Variants in SYN3 observed in about 807,000 individuals in gnomAD.
SYN3 encodes the protein synapsin-3.
In SYN3, 35 loss-of-function variants were observed where a neutral mutation model predicts 65.8. The ratio of observed to expected loss-of-function variants is 0.53; its 90% confidence interval spans 0.41 to 0.70. The LOEUF (loss-of-function observed/expected upper bound fraction) is 0.70, where lower values mean the gene tolerates loss of function less well. SYN3 is among the 30% of genes least tolerant of loss of function. SYN3 has a pLI of 0.00. For synonymous variants in SYN3, 270 were observed against 292.9 expected (o/e 0.92, Z 0.80); for missense variants, 680 against 749.0 (o/e 0.91, Z 1.08).
chr22:32,739,177 G>T (rs989953702), intron 6 of SYN3, among the ~76,000 whole-genome samples: 5 of 150,766 alleles, frequency 3.3e-5, no homozygotes, highest in African/African-American at 7.3e-5. Context: ...GAATCACAGG[G>T]GGGGGGCGGT....
chr22:32,546,757 A>C (rs539236275), intron 7 of SYN3, among the ~76,000 whole-genome samples: 6 of 152,072 alleles, frequency 3.9e-5, no homozygotes, highest in Non-Finnish European at 8.8e-5. Context: ...GCTGTGATTC[A>C]AGATTACCCA....
At chr22:32,810,269 G>A (rs529072628) in intron 6 of SYN3, among the ~76,000 whole-genome samples, 144 of 152,298 alleles carry the variant, frequency 9.5e-4, no homozygotes, top group Non-Finnish European at 1.9e-3. Flanking sequence ...CCATCTGTGT[G>A]GCTAGGATGG....
chr22:32,962,218 C>A (rs1172912505), intron 3 of SYN3, among the ~76,000 whole-genome samples: 1 of 148,820 alleles, frequency 6.7e-6, no homozygotes, highest in Non-Finnish European at 1.5e-5. Flanking sequence ...TCACTGCAAC[C>A]TTTACCTCCT....
chr22:32,873,594 C>A (rs2048909491), intron 4 of SYN3, among the ~76,000 whole-genome samples: 1 of 152,152 alleles, frequency 6.6e-6, no homozygotes, highest in Non-Finnish European at 1.5e-5. Flanking sequence ...GATCAGAGAA[C>A]CACATTTTCC....
intron 6 of SYN3, among the ~76,000 whole-genome samples, chr22:32,835,161 T>C (rs1315074184): frequency 6.6e-6 from 1 of 152,136 alleles, no homozygotes; most frequent in Non-Finnish European, 1.5e-5. Context: ...ACATACTGGG[T>C]GACAGAGTGC....
At chr22:32,655,157 T>C (rs755474263) in intron 6 of SYN3, among the ~76,000 whole-genome samples, 22 of 152,212 alleles carry the variant, frequency 1.4e-4, no homozygotes, top group Non-Finnish European at 2.6e-4. Flanking sequence ...GGCTCTTCCA[T>C]GTCTCATGCT....
At position 33,028,904 on chromosome 22, in the gene SYN3, G is replaced by A. The variant is rs1007337548; in HGVS notation, c.-162-22080C>T. ...AAATACAAAAAACTAGCCGGGCGTGGTGGCGGGCGCCTGTAGTCCCAGCTA... is the reference window on the plus strand; with the variant it reads ...AAATACAAAAAACTAGCCGGGCGTGATGGCGGGCGCCTGTAGTCCCAGCTA... On this transcript the variant is annotated intron_variant, in intron 1 of 13. Coordinates refer to ENST00000358763, the MANE Select transcript of SYN3 (RefSeq NM_003490.4). Among the ~76,000 whole-genome samples the A allele has an allele frequency of 2.6e-5, 4 of 152,116 alleles. No individual in the cohort carries two copies. In the South Asian group the frequency reaches 6.2e-4, roughly 24 times the overall value.
chr22:32,854,745 G>T (rs188319183), intron 6 of SYN3, among the ~76,000 whole-genome samples: 1 of 152,306 alleles, frequency 6.6e-6, no homozygotes, highest in Non-Finnish European at 1.5e-5. Context: ...AGTGTGGACG[G>T]CACTTCTTCC....
intron 4 of SYN3, among the ~76,000 whole-genome samples, chr22:32,912,062 G>GT (rs2050065049): frequency 1.3e-5 from 2 of 152,212 alleles, no homozygotes; most frequent in Admixed American, 1.3e-4. Flanking sequence ...AAGGGAGAAT[G>GT]TAAGAATTTA....
intron 4 of SYN3, among the ~76,000 whole-genome samples, chr22:32,915,870 G>A (rs1178386798): frequency 6.6e-6 from 1 of 152,150 alleles, no homozygotes; most frequent in Admixed American, 6.5e-5. Flanking sequence ...ACAGATTGAA[G>A]GGGGAAATGG....
intron 4 of SYN3, among the ~76,000 whole-genome samples, chr22:32,911,100 T>C (rs746936201): frequency 2.0e-5 from 3 of 152,152 alleles, no homozygotes; most frequent in Non-Finnish European, 2.9e-5. Context: ...CAAGTCTAGA[T>C]AGAAGAGTTG....
At chr22:32,526,165 T>C (rs2057973719) in intron 12 of SYN3, among the ~76,000 whole-genome samples, 1 of 152,212 alleles carries the variant, frequency 6.6e-6, no homozygotes, top group African/African-American at 2.4e-5. Context: ...AACATAGCTT[T>C]TATATGCACC....
intron 6 of SYN3, among the ~76,000 whole-genome samples, chr22:32,863,556 T>C (rs1229355770): frequency 6.6e-6 from 1 of 152,182 alleles, no homozygotes; most frequent in Non-Finnish European, 1.5e-5. Context: ...TTTCAGAGTA[T>C]ACAGCAGGGC....
chr22:32,691,598 C>A (rs1299025783), intron 6 of SYN3, among the ~76,000 whole-genome samples: 11 of 152,040 alleles, frequency 7.2e-5, no homozygotes, highest in Non-Finnish European at 1.6e-4. Context: ...AGGGTGAAGA[C>A]TGGGATTGGG....
chr22:32,970,873 C>T (rs2051999367), intron 3 of SYN3, among the ~76,000 whole-genome samples: 1 of 152,210 alleles, frequency 6.6e-6, no homozygotes. Context: ...AAATTCATGA[C>T]CAGCATATAT....
intron 6 of SYN3, among the ~76,000 whole-genome samples, chr22:32,850,097 G>T (rs2048177286): frequency 6.7e-6 from 1 of 149,380 alleles, no homozygotes; most frequent in South Asian, 2.2e-4. Context: ...TTGTCTTCTT[G>T]CATCCTAGAT....
intron 6 of SYN3, among the ~76,000 whole-genome samples, chr22:32,696,372 C>T (rs914377389): frequency 6.6e-6 from 1 of 152,208 alleles, no homozygotes; most frequent in Admixed American, 6.5e-5. Flanking sequence ...GTTCCTTACC[C>T]ACTCCTCTCT....
At chr22:33,034,252 C>T (rs2145909402) in intron 1 of SYN3, among the ~76,000 whole-genome samples, 1 of 151,476 alleles carries the variant, frequency 6.6e-6, no homozygotes, top group East Asian at 2.0e-4. Flanking sequence ...TACTTGCTTT[C>T]TTTCTTTCTT....
At chr22:32,823,609 C>T (rs144953569) in intron 6 of SYN3, among the ~76,000 whole-genome samples, 6 of 152,150 alleles carry the variant, frequency 3.9e-5, no homozygotes, top group African/African-American at 1.4e-4. Flanking sequence ...GAAGCATTGC[C>T]AAGAGCAACT....
Sources: allele counts gnomAD v4.1 joint callset (sites outside exome capture counted in the v4.1 genomes callset), GRCh38; gene constraint gnomAD v4.1.1; transcripts MANE v1.5; gene names NCBI Gene and HGNC (gene_info 2026-07-23, HGNC 2026-07-21).